Variants in PARD3 observed in about 807,000 individuals in gnomAD.
PARD3 encodes the protein par-3 family cell polarity regulator, also known as partitioning defective 3 homolog.
Under a neutral mutation model 155.4 loss-of-function variants are expected in PARD3, and 75 were observed. That is an observed-to-expected ratio of 0.48 (90% CI 0.40 to 0.58). PARD3 has a LOEUF of 0.58. Among genes scored for constraint, PARD3 ranks in the 20% least tolerant of loss-of-function variants. The pLI, the probability that PARD3 is intolerant of heterozygous loss-of-function variation, is 0.00. For missense variants in PARD3, 1,642 were observed against 1,721.7 expected, an observed-to-expected ratio of 0.95 and a Z score of 0.82; for synonymous variants, 576 against 610.5, an observed-to-expected ratio of 0.94 and a Z score of 0.83.
At chr10:34,346,258 G>C in intron 15 of PARD3, 1 of 1,155,982 alleles carries the variant, frequency 8.7e-7, no homozygotes, top group East Asian at 6.6e-5. Context: ...AGACTAGGAA[G>C]AAAATGAATG....
intron 22 of PARD3, among the ~76,000 whole-genome samples, chr10:34,150,240 A>G (rs1172785080): frequency 2.6e-5 from 4 of 152,218 alleles, no homozygotes; most frequent in African/African-American, 7.2e-5. Context: ...AATACGATGA[A>G]GAATAAGGAC....
chr10:34,586,131 T>C (rs1399290427), intron 2 of PARD3, among the ~76,000 whole-genome samples: 1 of 152,218 alleles, frequency 6.6e-6, no homozygotes, highest in Non-Finnish European at 1.5e-5. Context: ...AGATTAGTTT[T>C]CAGTCCCAAC....
At chr10:34,260,623 A>C (rs1954907302) in intron 22 of PARD3, among the ~76,000 whole-genome samples, 1 of 152,214 alleles carries the variant, frequency 6.6e-6, no homozygotes, top group African/African-American at 2.4e-5. Flanking sequence ...AAGGACACTG[A>C]GATCAGGCCC....
chr10:34,372,609 T>C (rs1453358264), intron 11 of PARD3, 73 bp from the exon 12 acceptor site: 3 of 1,071,888 alleles, frequency 2.8e-6, no homozygotes, highest in Non-Finnish European at 4.3e-6. Context: ...CACAATGATT[T>C]ATTTTAAAGA....
intron 22 of PARD3, among the ~76,000 whole-genome samples, chr10:34,217,330 G>C (rs537984271): frequency 6.6e-6 from 1 of 152,024 alleles, no homozygotes; most frequent in African/African-American, 2.4e-5. Flanking sequence ...TCACAGCTTT[G>C]GTGCAACTTG....
At chr10:34,112,928 C>T (rs936813075) in intron 24 of PARD3, among the ~76,000 whole-genome samples, 2 of 152,188 alleles carry the variant, frequency 1.3e-5, no homozygotes, top group African/African-American at 4.8e-5. Context: ...TTTGTACAGT[C>T]AGCCCAGGCA....
Position 34,515,283 on chromosome 10 carries a change from C to T in PARD3, c.403+1696G>A, listed in dbSNP as rs556524298. Among the ~76,000 whole-genome samples the T allele has an allele frequency of 6.9e-4, 105 of 152,304 alleles. No individual in the cohort carries two copies. The South Asian group carries it at 0.021, about 31-fold the overall frequency. ...TGTAAGAATTTTTAAACAGTATATC[C>T]TAGTAGTCAACAAAATTATTTTCAC... On this transcript the variant is annotated intron_variant, in intron 3 of 24. Coordinates refer to ENST00000374788, the MANE Select transcript of PARD3 (RefSeq NM_001184785.2).
At chr10:34,429,763 T>G (rs185639253) in intron 5 of PARD3, among the ~76,000 whole-genome samples, 2 of 152,166 alleles carry the variant, frequency 1.3e-5, no homozygotes, top group Non-Finnish European at 2.9e-5. Flanking sequence ...TTTTTTGTAT[T>G]TTTAGTAGAG....
intron 24 of PARD3, among the ~76,000 whole-genome samples, chr10:34,112,838 C>A (rs538531770): frequency 2.6e-5 from 4 of 152,296 alleles, no homozygotes; most frequent in Admixed American, 6.5e-5. Context: ...ACCATAATGT[C>A]CAGCATCACC....
rs150904644 is a variant in PARD3 at position 34,548,806 on chromosome 10, C to T, written c.223-31647G>A. ...TTGCAAATACTTTGAACAAAAATGA[C>T]ATTCACTTCCTACAAGTCTTTCTTT... On this transcript the variant is annotated intron_variant, in intron 2 of 24. Coordinates refer to ENST00000374788, the MANE Select transcript of PARD3 (RefSeq NM_001184785.2). 6.1e-4 allele frequency among the ~76,000 whole-genome samples: 93 copies of T among 151,836 alleles called. 1 individual carries two copies. The East Asian group carries it at 0.013, about 22-fold the overall frequency.
chr10:34,372,990 A>T (rs1840844527), intron 11 of PARD3, among the ~76,000 whole-genome samples: 1 of 151,528 alleles, frequency 6.6e-6, no homozygotes, highest in African/African-American at 2.4e-5. Context: ...AATAAACATG[A>T]TTTTTTTTTC....
At chr10:34,522,916 T>C (rs977135149) in intron 2 of PARD3, among the ~76,000 whole-genome samples, 1 of 152,262 alleles carries the variant, frequency 6.6e-6, no homozygotes, top group African/African-American at 2.4e-5. Context: ...CTTCCTGCTC[T>C]GGAGCATCTA....
chr10:34,261,748 G>C (rs202194952), intron 22 of PARD3, among the ~76,000 whole-genome samples: 10 of 51,912 alleles, frequency 1.9e-4, no homozygotes, highest in Admixed American at 4.0e-4. Context: ...AAGGAAGAAA[G>C]GAAGGAAGAA....
chr10:34,791,443 C>T (rs955800562), intron 1 of PARD3, among the ~76,000 whole-genome samples: 1 of 152,170 alleles, frequency 6.6e-6, no homozygotes, highest in Non-Finnish European at 1.5e-5. Context: ...GAAGCCGGCT[C>T]GAAGCCAACA....
chr10:34,712,685 C>T (rs1318647571), intron 1 of PARD3, among the ~76,000 whole-genome samples: 1 of 152,130 alleles, frequency 6.6e-6, no homozygotes, highest in Non-Finnish European at 1.5e-5. Flanking sequence ...AAGGGAGACA[C>T]TGTCGCAACA....
intron 1 of PARD3, among the ~76,000 whole-genome samples, chr10:34,708,390 A>G (rs190289403): frequency 6.6e-6 from 1 of 152,324 alleles, no homozygotes; most frequent in African/African-American, 2.4e-5. Flanking sequence ...AAATTTGTCA[A>G]ATTAAGTTAG....
intron 15 of PARD3, chr10:34,345,965 T>C: frequency 1.0e-6 from 1 of 984,080 alleles, no homozygotes; most frequent in Non-Finnish European, 1.2e-6. Context: ...ATCCCTAGTT[T>C]CCGTTACAAA....
intron 22 of PARD3, among the ~76,000 whole-genome samples, chr10:34,180,364 T>C (rs1206406313): frequency 7.9e-5 from 12 of 152,174 alleles, no homozygotes; most frequent in Admixed American, 5.9e-4. Flanking sequence ...CATTTTTCCA[T>C]TGAGTTGCAA....
chr10:34,783,432 G>A (rs902621946), intron 1 of PARD3, among the ~76,000 whole-genome samples: 6 of 151,424 alleles, frequency 4.0e-5, no homozygotes, highest in African/African-American at 1.2e-4. Context: ...GTGAAACCCC[G>A]TCTTCACTAA....
Sources: gnomAD v4.1 joint callset for allele counts (sites outside exome capture counted in the v4.1 genomes callset) on GRCh38, gnomAD v4.1.1 for gene constraint, MANE v1.5 for transcripts, NCBI Gene and HGNC (gene_info 2026-07-23, HGNC 2026-07-21) for gene names.